ACBD6: variants seen among roughly 807,000 people sequenced by gnomAD.
ACBD6 encodes acyl-CoA binding domain containing 6, also known as acyl-CoA-binding domain-containing protein 6.
ACBD6 carries 28 observed loss-of-function variants against 37.2 expected under a neutral mutation model. The ratio of observed to expected loss-of-function variants is 0.75; its 90% confidence interval spans 0.56 to 1.03. The LOEUF (loss-of-function observed/expected upper bound fraction) is 1.03, where lower values mean the gene tolerates loss of function less well. ACBD6 is among the 50% of genes least tolerant of loss of function. The pLI, the probability that ACBD6 is intolerant of heterozygous loss-of-function variation, is 0.00. For missense variants in ACBD6, 340 were observed against 337.4 expected (o/e 1.01, Z -0.06); for synonymous variants, 113 against 126.8 (o/e 0.89, Z 0.73).
At position 180,448,653 on chromosome 1, in the gene ACBD6, T is replaced by C. The variant is rs146271450; in HGVS notation, c.385-18391A>G. Reference sequence around the variant, plus strand: ...CAGGCAGCTCTAGAGAACGTTACCATGAACCTCTTGTACTCAGCCATGAAT... The same window carrying C: ...CAGGCAGCTCTAGAGAACGTTACCACGAACCTCTTGTACTCAGCCATGAAT... On this transcript the variant is annotated intron_variant, in intron 3 of 7. Transcript: ENST00000367595. Among the ~76,000 whole-genome samples the C allele has an allele frequency of 6.1e-3, 930 of 152,306 alleles. 13 individuals carry two copies. The highest frequency in any genetic ancestry group is 0.021 in the African/African-American group (889 of 41,570).
chr1:180,453,136 T>G (rs921572703), intron 3 of ACBD6, among the ~76,000 whole-genome samples: 17 of 152,258 alleles, frequency 1.1e-4, no homozygotes, highest in African/African-American at 4.1e-4. Flanking sequence ...CAGGCCAGTA[T>G]CCCTGATGAA....
chr1:180,360,852 T>A (rs1054858313), intron 6 of ACBD6, among the ~76,000 whole-genome samples: 4 of 152,204 alleles, frequency 2.6e-5, no homozygotes, highest in African/African-American at 9.6e-5. Context: ...TTCTATAACA[T>A]AAACTGACAT....
intron 3 of ACBD6, among the ~76,000 whole-genome samples, chr1:180,442,260 G>A (rs1301043664): frequency 6.6e-6 from 1 of 151,184 alleles, no homozygotes; most frequent in Non-Finnish European, 1.5e-5. Flanking sequence ...TTGGATCTAT[G>A]GGTTTATGGC....
At chr1:180,281,396 C>T (rs1215784658) in intron 8 of ACBD6, 1 of 152,070 alleles carries the variant, frequency 6.6e-6, no homozygotes, top group African/African-American at 2.4e-5. Context: ...GCTAAAATCA[C>T]AAAAGGAAAA....
intron 6 of ACBD6, among the ~76,000 whole-genome samples, chr1:180,391,956 G>T (rs928463536): frequency 2.0e-5 from 3 of 152,080 alleles, no homozygotes; most frequent in Non-Finnish European, 4.4e-5. Context: ...TACACGCAAT[G>T]AAATGTTATA....
chr1:180,280,408 G>A (rs962251293), intron 9 of ACBD6, among the ~76,000 whole-genome samples: 3 of 152,058 alleles, frequency 2.0e-5, no homozygotes, highest in African/African-American at 7.3e-5. Flanking sequence ...TACAAAGCAG[G>A]AGGTTGGGCT....
chr1:180,443,444 C>T (rs1289672407), intron 3 of ACBD6, among the ~76,000 whole-genome samples: 1 of 152,150 alleles, frequency 6.6e-6, no homozygotes, highest in Non-Finnish European at 1.5e-5. Flanking sequence ...GACCCCTCTG[C>T]AGACCTCTGG....
rs111961748 is a variant in ACBD6 at position 180,386,984 on chromosome 1, A to T, written c.663+10532T>A. 3.3e-3 allele frequency among the ~76,000 whole-genome samples: 496 copies of T among 152,250 alleles called. 1 individual carries two copies. Among genetic ancestry groups the T allele is most frequent in the African/African-American group, 0.011 (465 of 41,546 alleles). ...TGATGAGTAATTTTCAGTTTTGAGT[A>T]TGCGTATCTGTATTCTATTTAAATC... On this transcript the variant is annotated intron_variant, in intron 6 of 7. Transcript: ENST00000367595.
rs71118455 is a variant in ACBD6, at chr1:180,377,949, AAATAATAATAATAAT to A, written c.663+19552_663+19566del. On this transcript the variant is annotated intron_variant, in intron 6 of 7. Coordinates refer to ENST00000367595, the MANE Select transcript of ACBD6 (RefSeq NM_032360.4). ...GCGACAAGAACAAAACTCTGTCTCA[AAATAATAATAATAAT>A]AATAATAATAATAATAATAGCCATA... Among the ~76,000 whole-genome samples, 12 of 143,400 alleles carry A rather than the reference AAATAATAATAATAAT, an allele frequency of 8.4e-5. 1 individual carries two copies. Among genetic ancestry groups the A allele is most frequent in the Admixed American group, 1.4e-4 (2 of 14,242 alleles). The allele number at this position is 143,400 out of a possible 152,430, so 94.1% of individuals were successfully genotyped here.
intron 3 of ACBD6, chr1:180,434,845 G>T: frequency 1.3e-6 from 1 of 743,966 alleles, no homozygotes; most frequent in East Asian, 2.5e-5. Flanking sequence ...ATCTGCCAGG[G>T]ATGTCTTCAC....
intron 7 of ACBD6, among the ~76,000 whole-genome samples, chr1:180,297,092 T>C (rs911052392): frequency 3.3e-5 from 5 of 152,096 alleles, no homozygotes; most frequent in African/African-American, 1.2e-4. Context: ...TTTAAATGAT[T>C]TAGCAGTGAT....
chr1:180,433,633 G>C (rs1450580495), intron 3 of ACBD6, among the ~76,000 whole-genome samples: 1 of 151,936 alleles, frequency 6.6e-6, no homozygotes, highest in Non-Finnish European at 1.5e-5. Flanking sequence ...GAGAGAGAGC[G>C]AGAGTGAGAG....
intron 6 of ACBD6, among the ~76,000 whole-genome samples, chr1:180,388,177 A>C (rs1219926526): frequency 2.6e-5 from 1 of 38,920 alleles, no homozygotes; most frequent in Non-Finnish European, 1.0e-4. Context: ...CTCCGTCTCA[A>C]AAAAAAAAAA....
intron 4 of ACBD6, among the ~76,000 whole-genome samples, chr1:180,421,172 C>T (rs1183162208): frequency 6.6e-6 from 1 of 152,140 alleles, no homozygotes; most frequent in Non-Finnish European, 1.5e-5. Context: ...TCTCCCTCCC[C>T]CTACTCCCCA....
intron 3 of ACBD6, among the ~76,000 whole-genome samples, chr1:180,450,251 A>C (rs1238843558): frequency 2.0e-5 from 3 of 152,234 alleles, no homozygotes; most frequent in Non-Finnish European, 4.4e-5. Context: ...TAAAGAGAGA[A>C]AAGTTCTATT....
chr1:180,409,264 T>G (rs1303278856), intron 5 of ACBD6, among the ~76,000 whole-genome samples: 1 of 152,182 alleles, frequency 6.6e-6, no homozygotes, highest in Non-Finnish European at 1.5e-5. Context: ...AAAAAACAAA[T>G]GTATTAACTT....
intron 13 of ACBD6, chr1:180,272,017 C>T (rs770347084): frequency 6.2e-7 from 1 of 1,609,484 alleles, no homozygotes; most frequent in South Asian, 1.1e-5. Flanking sequence ...GTGAGCAGGG[C>T]TGGAGGGGCC....
At chr1:180,491,032 C>A (rs892414165) in intron 3 of ACBD6, among the ~76,000 whole-genome samples, 1 of 149,984 alleles carries the variant, frequency 6.7e-6, no homozygotes, top group African/African-American at 2.5e-5. Flanking sequence ...TAAAGATATC[C>A]AAAGTTGGTT....
intron 4 of ACBD6, among the ~76,000 whole-genome samples, chr1:180,414,657 C>A (rs1233510686): frequency 6.6e-6 from 1 of 152,148 alleles, no homozygotes; most frequent in East Asian, 1.9e-4. Flanking sequence ...TGACAAAAAT[C>A]TACACAGGAT....
Sources: allele counts gnomAD v4.1 joint callset (sites outside exome capture counted in the v4.1 genomes callset), GRCh38; gene constraint gnomAD v4.1.1; transcripts MANE v1.5; gene names NCBI Gene and HGNC (gene_info 2026-07-23, HGNC 2026-07-21).